KLF8: variants seen among roughly 807,000 people sequenced by gnomAD.
KLF8 encodes Krueppel-like factor 8.
In KLF8, 10 loss-of-function variants were observed where a neutral mutation model predicts 18.2. That is an observed-to-expected ratio of 0.55 (90% CI 0.34 to 0.93). The LOEUF (loss-of-function observed/expected upper bound fraction) is 0.93. Among genes scored for constraint, KLF8 ranks in the 40% least tolerant of loss-of-function variants. The pLI, the probability that KLF8 is intolerant of heterozygous loss-of-function variation, is 0.02. For synonymous variants in KLF8, 109 were observed against 97.3 expected (o/e 1.12, Z -0.71); for missense variants, 264 against 277.9 (o/e 0.95, Z 0.36).
At chrX:55,998,918 G>T in the KLF8 span, among the ~76,000 whole-genome samples, 2 of 108,633 alleles carry the variant, frequency 1.8e-5, no homozygotes, top group Admixed American at 9.8e-5. Flanking sequence ...TTTTGTCAAG[G>T]CTAATGTTGA....
chrX:56,104,163 C>G, the KLF8 span, among the ~76,000 whole-genome samples: 1 of 111,096 alleles, frequency 9.0e-6, no homozygotes, highest in Non-Finnish European at 1.9e-5. Context: ...GGATATTGGT[C>G]TGAAATTCTC....
chrX:56,207,679 TC>T, the KLF8 span, among the ~76,000 whole-genome samples: 3 of 110,964 alleles, frequency 2.7e-5, no homozygotes, highest in Admixed American at 2.9e-4. Flanking sequence ...TTAACAAGTC[TC>T]TAGGAAGTTT....
At chrX:56,094,052 G>A in the KLF8 span, among the ~76,000 whole-genome samples, 1 of 108,320 alleles carries the variant, frequency 9.2e-6, no homozygotes, top group South Asian at 4.0e-4. Context: ...AAATAGGGCA[G>A]GAAGAACAAG....
At chrX:56,184,916 G>C in the KLF8 span, among the ~76,000 whole-genome samples, 12 of 112,122 alleles carry the variant, frequency 1.1e-4, no homozygotes, top group Non-Finnish European at 2.1e-4. Flanking sequence ...AAACCACAAA[G>C]ATGGGGAAAA....
the KLF8 span, among the ~76,000 whole-genome samples, chrX:56,211,604 C>T: frequency 1.1e-4 from 12 of 112,234 alleles, no homozygotes; most frequent in African/African-American, 3.9e-4. Context: ...GGCCTGTGTC[C>T]TTTCCTGCAG....
At chrX:56,213,314 C>CTT in the KLF8 span, among the ~76,000 whole-genome samples, 52 of 12,002 alleles carry the variant, frequency 4.3e-3, no homozygotes, top group East Asian at 7.4e-3. Context: ...CTTTTCTTTT[C>CTT]TTTTTTTTTT....
chrX:56,053,743 A>G, the KLF8 span, among the ~76,000 whole-genome samples: 5 of 109,354 alleles, frequency 4.6e-5, no homozygotes, highest in African/African-American at 1.7e-4. Flanking sequence ...GGGAGGGTGT[A>G]TGTGTCCAGG....
chrX:56,068,476 C>T, the KLF8 span, among the ~76,000 whole-genome samples: 52 of 111,952 alleles, frequency 4.6e-4, no homozygotes, highest in Non-Finnish European at 7.1e-4. Context: ...GCTCAGTGGC[C>T]CTGATTCTGT....
chrX:56,133,463 A>T, the KLF8 span, among the ~76,000 whole-genome samples: 3 of 112,032 alleles, frequency 2.7e-5, no homozygotes, highest in African/African-American at 9.7e-5. Context: ...AAATTCCAGC[A>T]TTCCTTTAAG....
chrX:55,979,752 GAGA>G, the KLF8 span, among the ~76,000 whole-genome samples: 2 of 111,699 alleles, frequency 1.8e-5, no homozygotes, highest in Non-Finnish European at 3.8e-5. Context: ...TGTGGGAATG[GAGA>G]AGAAGGGTTA....
chrX:56,038,662 G>A, the KLF8 span, among the ~76,000 whole-genome samples: 1 of 112,042 alleles, frequency 8.9e-6, no homozygotes, highest in Non-Finnish European at 1.9e-5. Flanking sequence ...ATTATTAATA[G>A]TGCTGCAATG....
the KLF8 span, among the ~76,000 whole-genome samples, chrX:56,077,108 G>A: frequency 2.7e-5 from 3 of 111,575 alleles, no homozygotes; most frequent in Non-Finnish European, 5.6e-5. Context: ...TCACTCTGAT[G>A]GAAGTTTCTT....
chrX:55,919,448 C>T, the KLF8 span, among the ~76,000 whole-genome samples: 1 of 111,923 alleles, frequency 8.9e-6, no homozygotes, highest in African/African-American at 3.2e-5. Flanking sequence ...CTTGCTCTCT[C>T]AACAGGGAGG....
the KLF8 span, among the ~76,000 whole-genome samples, chrX:55,965,720 T>C: frequency 1.8e-5 from 2 of 112,235 alleles, no homozygotes; most frequent in African/African-American, 6.5e-5. Context: ...CAAAAATTAA[T>C]AGGATTTCTA....
chrX:56,080,715 A>G, the KLF8 span, among the ~76,000 whole-genome samples: 1 of 111,086 alleles, frequency 9.0e-6, no homozygotes, highest in Non-Finnish European at 1.9e-5. Flanking sequence ...GATTGGGGAA[A>G]TTCTCCTGGA....
the KLF8 span, chrX:55,962,586 ATTTC>A: frequency 1.6e-5 from 2 of 128,986 alleles, no homozygotes; most frequent in East Asian, 4.7e-4. Flanking sequence ...TGAGTAGATC[ATTTC>A]TTTCAGCTGC....
At chrX:55,978,018 G>A in the KLF8 span, among the ~76,000 whole-genome samples, 6 of 109,982 alleles carry the variant, frequency 5.5e-5, no homozygotes, top group Non-Finnish European at 3.8e-5. Context: ...GGTTCAAAGG[G>A]GGCATTCTGC....
At chrX:56,275,557 G>T (rs937494601) in intron 5 of KLF8, among the ~76,000 whole-genome samples, 2 of 111,470 alleles carry the variant, frequency 1.8e-5, no homozygotes. Context: ...GTGAAATTGG[G>T]CCTCCTTGTC....
the KLF8 span, among the ~76,000 whole-genome samples, chrX:56,133,549 G>A: frequency 2.7e-5 from 3 of 111,571 alleles, no homozygotes; most frequent in Non-Finnish European, 5.6e-5. Flanking sequence ...CAAACCCACA[G>A]CCAACATAAT....
Sources: gnomAD v4.1 joint callset for allele counts (sites outside exome capture counted in the v4.1 genomes callset) on GRCh38, gnomAD v4.1.1 for gene constraint, MANE v1.5 for transcripts, NCBI Gene and HGNC (gene_info 2026-07-23, HGNC 2026-07-21) for gene names.